The following CDH13 variants were observed in gnomAD, a reference collection of about 807,000 sequenced individuals.
The protein encoded by CDH13 is cadherin-13.
In CDH13, 24 loss-of-function variants were observed where a neutral mutation model predicts 63.8. The ratio of observed to expected loss-of-function variants is 0.38; its 90% CI spans 0.27 to 0.53. CDH13 has a LOEUF of 0.53. Among genes scored for constraint, CDH13 ranks in the 20% least tolerant of loss-of-function variants. The probability of loss-of-function intolerance (pLI) is 0.85; values close to 1 mark genes in which losing one functional copy is unlikely to be tolerated. For synonymous variants in CDH13, 503 were observed against 355.3 expected, an observed-to-expected ratio of 1.42 and a Z score of -4.67; for missense variants, 1,049 against 903.1, an observed-to-expected ratio of 1.16 and a Z score of -2.07.
At chr16:83,499,094 T>C (rs1409377561) in intron 7 of CDH13, among the ~76,000 whole-genome samples, 1 of 152,236 alleles carries the variant, frequency 6.6e-6, no homozygotes. Context: ...AGGGTTTTTG[T>C]TGGATCTTTG....
intron 1 of CDH13, among the ~76,000 whole-genome samples, chr16:82,842,652 G>C (rs575125580): frequency 2.2e-4 from 33 of 152,158 alleles, no homozygotes; most frequent in African/African-American, 7.7e-4. Context: ...CAGGGACATG[G>C]GGGAGGGGAG....
chr16:83,367,160 T>C (rs1250992541), intron 6 of CDH13, among the ~76,000 whole-genome samples: 2 of 152,350 alleles, frequency 1.3e-5, no homozygotes, highest in African/African-American at 2.4e-5. Context: ...AGACAACCAA[T>C]GATCCACTTT....
chr16:82,879,126 C>G (rs2040604545), intron 2 of CDH13, among the ~76,000 whole-genome samples: 1 of 152,110 alleles, frequency 6.6e-6, no homozygotes, highest in South Asian at 2.1e-4. Context: ...AGGCTGGGCC[C>G]ATGGTTGTGG....
At chr16:83,227,526 A>G (rs1400849385) in intron 5 of CDH13, among the ~76,000 whole-genome samples, 2 of 152,218 alleles carry the variant, frequency 1.3e-5, no homozygotes, top group African/African-American at 4.8e-5. Context: ...GTCGTCATGC[A>G]ATGCTGGGAA....
chr16:82,712,358 C>G (rs1028041346), intron 1 of CDH13, among the ~76,000 whole-genome samples: 3 of 152,130 alleles, frequency 2.0e-5, no homozygotes, highest in African/African-American at 7.2e-5. Context: ...TAAAAATGCT[C>G]CCTTCTGGGA....
chr16:82,916,927 A>C (rs940976854), intron 2 of CDH13, among the ~76,000 whole-genome samples: 10 of 152,208 alleles, frequency 6.6e-5, no homozygotes, highest in African/African-American at 2.4e-4. Context: ...GTATGTAGCA[A>C]ACTAAAATTA....
At chr16:83,543,947 C>A (rs1263178107) in intron 7 of CDH13, among the ~76,000 whole-genome samples, 2 of 152,196 alleles carry the variant, frequency 1.3e-5, no homozygotes, top group Non-Finnish European at 2.9e-5. Context: ...CTTGATGTAG[C>A]CGGTAGCAGG....
At chr16:83,750,429 A>C (rs1277424928) in intron 11 of CDH13, among the ~76,000 whole-genome samples, 1 of 152,180 alleles carries the variant, frequency 6.6e-6, no homozygotes, top group Non-Finnish European at 1.5e-5. Context: ...ATTTTAATTT[A>C]CTTTAACAAT....
intron 7 of CDH13, among the ~76,000 whole-genome samples, chr16:83,569,710 C>G (rs891007746): frequency 5.3e-5 from 8 of 152,104 alleles, no homozygotes; most frequent in Non-Finnish European, 1.0e-4. Flanking sequence ...CTGTCTGTCT[C>G]TCTGGGGAAG....
chr16:82,916,244 G>A (rs1322179921), intron 2 of CDH13, among the ~76,000 whole-genome samples: 2 of 152,152 alleles, frequency 1.3e-5, no homozygotes, highest in Non-Finnish European at 2.9e-5. Flanking sequence ...AGGGCCCAGT[G>A]TAGAAGGTGA....
At position 82,627,113 on chromosome 16, in the gene CDH13, C is replaced by T. The variant is rs761748532; in HGVS notation, c.21C>T (p.Leu7=). 5 of 1,606,112 alleles carry T rather than the reference C, an allele frequency of 3.1e-6. No individual in the cohort carries two copies. The South Asian group carries it at 3.4e-5, about 11-fold the overall frequency. Reference sequence around the variant, plus strand: ...ACAAAATGCAGCCGAGAACTCCGCTCGTTCTGTGCGTTCTCCTGTCCCAGG... The same window carrying T: ...ACAAAATGCAGCCGAGAACTCCGCTTGTTCTGTGCGTTCTCCTGTCCCAGG... The part of the protein sequence containing the change: MQPRTP[L]VLCVLLSQVL... The change falls in exon 1 of 14, where the codon CTC becomes CTT. Residue 7 remains leucine (L), a synonymous_variant. Transcript: ENST00000567109.
chr16:82,798,319 G>C (rs1386139748), intron 1 of CDH13, among the ~76,000 whole-genome samples: 2 of 152,136 alleles, frequency 1.3e-5, no homozygotes, highest in Non-Finnish European at 2.9e-5. Context: ...TTAGAACTCA[G>C]GTCTGTCTGA....
chr16:82,901,401 AG>A (rs2041465642), intron 2 of CDH13, among the ~76,000 whole-genome samples: 1 of 147,712 alleles, frequency 6.8e-6, no homozygotes, highest in Non-Finnish European at 1.5e-5. Context: ...CTTAGGGTGC[AG>A]GGATGAGGGC....
chr16:82,769,143 A>G (rs753387971), intron 1 of CDH13, among the ~76,000 whole-genome samples: 6 of 152,178 alleles, frequency 3.9e-5, no homozygotes, highest in Admixed American at 6.5e-5. Context: ...AAACAGACCC[A>G]TCATGTCACA....
At chr16:83,454,758 T>C (rs1038239513) in intron 6 of CDH13, among the ~76,000 whole-genome samples, 10 of 152,234 alleles carry the variant, frequency 6.6e-5, no homozygotes, top group Admixed American at 6.5e-4. Context: ...ACAGGCAGGA[T>C]TGCAGTGGCA....
At chr16:82,884,195 C>T (rs1477596548) in intron 2 of CDH13, 2 of 455,780 alleles carry the variant, frequency 4.4e-6, no homozygotes, top group Admixed American at 4.7e-5. Context: ...ATGTATTCTA[C>T]TAGCTGACAG....
chr16:83,052,562 C>T (rs558411382), intron 3 of CDH13, among the ~76,000 whole-genome samples: 5 of 152,090 alleles, frequency 3.3e-5, no homozygotes, highest in Non-Finnish European at 7.4e-5. Flanking sequence ...GGCAGATCAC[C>T]TGGGGTCACG....
chr16:82,736,860 T>C (rs957512154), intron 1 of CDH13, among the ~76,000 whole-genome samples: 1 of 152,164 alleles, frequency 6.6e-6, no homozygotes, highest in Non-Finnish European at 1.5e-5. Context: ...ATGGCCTCTC[T>C]TGGTTGTCTT....
intron 2 of CDH13, among the ~76,000 whole-genome samples, chr16:82,966,535 C>G (rs577618020): frequency 7.9e-5 from 12 of 152,326 alleles, no homozygotes; most frequent in African/African-American, 2.9e-4. Flanking sequence ...AATCTGGGCT[C>G]AAACATTCCG....
Sources: allele counts gnomAD v4.1 joint callset (sites outside exome capture counted in the v4.1 genomes callset), GRCh38; gene constraint gnomAD v4.1.1; transcripts MANE v1.5; gene names NCBI Gene and HGNC (gene_info 2026-07-23, HGNC 2026-07-21).